The following SEMA6A variants were observed in gnomAD, a reference collection of about 807,000 sequenced individuals.
SEMA6A encodes the protein semaphorin-6A.
A neutral mutation model predicts 96.8 loss-of-function variants in SEMA6A; 25 were observed. The observed-to-expected ratio is 0.26, with a 90% CI of 0.19 to 0.36. The LOEUF (loss-of-function observed/expected upper bound fraction) is 0.36. SEMA6A is among the 10% of genes least tolerant of loss of function. SEMA6A has a pLI of 1.00. For missense variants in SEMA6A, 1,363 were observed against 1,323.1 expected (o/e 1.03, Z -0.47); for synonymous variants, 612 against 518.0 (o/e 1.18, Z -2.46).
chr5:116,484,099 C>G (rs1217167174), intron 10 of SEMA6A, among the ~76,000 whole-genome samples: 2 of 150,452 alleles, frequency 1.3e-5, no homozygotes, highest in African/African-American at 2.4e-5. Flanking sequence ...CAGTGATTCT[C>G]ATTTGTTTTG....
In SEMA6A at chr5:116,492,699, T is replaced by C. The variant is rs79309983; in HGVS notation, c.445-869A>G. Among the ~76,000 whole-genome samples, 278 of 152,336 alleles carry C rather than the reference T, an allele frequency of 1.8e-3. 1 individual carries two copies. Among genetic ancestry groups the C allele is most frequent in the African/African-American group, 5.7e-3 (238 of 41,582 alleles). On this transcript the variant is annotated intron_variant, in intron 6 of 18. Coordinates refer to ENST00000343348, the MANE Select transcript of SEMA6A (RefSeq NM_020796.5). ...TAACACATTCAGCTTACTTGTGTTA[T>C]AAAAATTAATATAGATCAGGGCATG...
intron 1 of SEMA6A, among the ~76,000 whole-genome samples, chr5:116,532,980 C>T (rs953363849): frequency 6.6e-6 from 1 of 152,182 alleles, no homozygotes; most frequent in Admixed American, 6.5e-5. Context: ...TTTCTCCACC[C>T]CCTCTGCCAA....
At chr5:116,573,399 C>T (rs573117492) in intron 1 of SEMA6A, among the ~76,000 whole-genome samples, 2 of 149,028 alleles carry the variant, frequency 1.3e-5, no homozygotes, top group Admixed American at 6.6e-5. Flanking sequence ...TCAGGAGGGA[C>T]GCAGCCGCGA....
chr5:116,482,341 G>C (rs1724679256), intron 11 of SEMA6A, 103 bp downstream of exon 11: 1 of 1,256,754 alleles, frequency 8.0e-7, no homozygotes, highest in Non-Finnish European at 1.1e-6. Flanking sequence ...TGCTTGGCTG[G>C]CATGGAAGGC....
At chr5:116,511,576 C>A (rs1392694266) in intron 1 of SEMA6A, among the ~76,000 whole-genome samples, 1 of 152,208 alleles carries the variant, frequency 6.6e-6, no homozygotes, top group African/African-American at 2.4e-5. Context: ...TAGGCTGATG[C>A]ATCTATGCTT....
At chr5:116,561,025 T>C (rs1760800328) in intron 1 of SEMA6A, among the ~76,000 whole-genome samples, 1 of 152,192 alleles carries the variant, frequency 6.6e-6, no homozygotes, top group Non-Finnish European at 1.5e-5. Context: ...CACAGCTATA[T>C]GGAGGAGCAC....
Sources: gnomAD v4.1 joint callset for allele counts (sites outside exome capture counted in the v4.1 genomes callset) on GRCh38, gnomAD v4.1.1 for gene constraint, MANE v1.5 for transcripts, NCBI Gene and HGNC (gene_info 2026-07-23, HGNC 2026-07-21) for gene names.